Variants in TMEM132D observed in about 807,000 individuals in gnomAD.
TMEM132D encodes the protein mature OL transmembrane protein.
TMEM132D carries 21 observed loss-of-function variants against 62.3 expected under a neutral mutation model. The observed-to-expected ratio is 0.34, with a 90% CI of 0.24 to 0.49. TMEM132D has a LOEUF of 0.49. Ranked by LOEUF, TMEM132D falls within the 20% of genes least tolerant of loss-of-function variation. The probability of loss-of-function intolerance (pLI) is 0.99; values close to 1 mark genes in which losing one functional copy is unlikely to be tolerated. For missense variants in TMEM132D, 1,346 were observed against 1,402.8 expected, an observed-to-expected ratio of 0.96 and a Z score of 0.65; for synonymous variants, 621 against 575.6, an observed-to-expected ratio of 1.08 and a Z score of -1.13.
At chr12:129,362,111 T>C (rs191706747) in intron 3 of TMEM132D, among the ~76,000 whole-genome samples, 17 of 152,364 alleles carry the variant, frequency 1.1e-4, no homozygotes, top group African/African-American at 3.6e-4. Flanking sequence ...TTGTTTACGA[T>C]AAAATACCTT....
chr12:129,633,998 C>T (rs770888272), intron 2 of TMEM132D, among the ~76,000 whole-genome samples: 42 of 152,094 alleles, frequency 2.8e-4, no homozygotes, highest in Non-Finnish European at 4.9e-4. Context: ...CTCCGTGTTG[C>T]GGAGGAAGTC....
chr12:129,902,504 A>G (rs1270083720), intron 1 of TMEM132D, among the ~76,000 whole-genome samples: 1 of 152,228 alleles, frequency 6.6e-6, no homozygotes, highest in Admixed American at 6.5e-5. Context: ...TGCTCTTCCC[A>G]TGACAGACAG....
At position 129,734,372 on chromosome 12, in the gene TMEM132D, G is replaced by C. The variant is rs141095432; in HGVS notation, c.80-33674C>G. Reference sequence around the variant, plus strand: ...AACCAAAATCCTACTCTACTTTTAAGAATCAGGTCAAATGCCATCTCCTCA... The same window carrying C: ...AACCAAAATCCTACTCTACTTTTAACAATCAGGTCAAATGCCATCTCCTCA... On this transcript the variant is annotated intron_variant, in intron 1 of 8. Transcript: ENST00000422113. 3.7e-3 allele frequency among the ~76,000 whole-genome samples: 557 copies of C among 152,246 alleles called. 3 individuals are homozygous for C. The highest frequency in any genetic ancestry group is 6.5e-3 in the Non-Finnish European group (441 of 68,008).
intron 4 of TMEM132D, among the ~76,000 whole-genome samples, chr12:129,275,466 A>G (rs1880977887): frequency 6.6e-6 from 1 of 152,234 alleles, no homozygotes; most frequent in Admixed American, 6.5e-5. Flanking sequence ...ACTCTCTAGT[A>G]GAGACATATT....
At chr12:129,442,111 C>T (rs930435300) in intron 3 of TMEM132D, among the ~76,000 whole-genome samples, 1 of 152,192 alleles carries the variant, frequency 6.6e-6, no homozygotes, top group Non-Finnish European at 1.5e-5. Flanking sequence ...AACAAACCTA[C>T]ACATGTACCC....
intron 2 of TMEM132D, among the ~76,000 whole-genome samples, chr12:129,539,382 C>A (rs1468015839): frequency 6.6e-6 from 1 of 150,574 alleles, no homozygotes; most frequent in Non-Finnish European, 1.5e-5. Context: ...CAGGTGTGAG[C>A]CACCACATTT....
chr12:129,864,418 G>T (rs1273340995), intron 1 of TMEM132D, among the ~76,000 whole-genome samples: 1 of 152,172 alleles, frequency 6.6e-6, no homozygotes, highest in African/African-American at 2.4e-5. Context: ...TCAGAGTTTT[G>T]GGGTAGTCTG....
In TMEM132D at chr12:129,544,030, G is replaced by C. The variant is rs572648163; in HGVS notation, c.969-12825C>G. On this transcript the variant is annotated intron_variant, in intron 2 of 8. Coordinates refer to ENST00000422113, the MANE Select transcript of TMEM132D (RefSeq NM_133448.3). ...AAGGAATTGCCAAGTCAAAAGAGAT[G>C]CATGTGCTCAATTTGTATAGAACTT... is the stretch of plus-strand genomic sequence containing the variant. Among the ~76,000 whole-genome samples the C allele has an allele frequency of 5.9e-5, 9 of 152,320 alleles. No homozygotes were observed. In the South Asian group the frequency reaches 6.2e-4, roughly 11 times the overall value.
chr12:129,073,119 G>A lies in TMEM132D; in HGVS notation c.*756C>T, dbSNP rs2135600619. On this transcript the variant is annotated 3_prime_UTR_variant, in exon 9 of 9. Transcript: ENST00000422113. Reference sequence around the variant, plus strand: ...ACTTGATATGAATCAAAAGAGCGTGGTTCTTTGAACCTGATTCAAATTCTA... The same window carrying A: ...ACTTGATATGAATCAAAAGAGCGTGATTCTTTGAACCTGATTCAAATTCTA... The A allele has an allele frequency of 6.6e-6, 1 of 152,366 alleles. No individual in the cohort carries two copies. Among genetic ancestry groups the A allele is most frequent in the African/African-American group, 2.4e-5 (1 of 41,576 alleles). 9.4% of individuals were successfully genotyped at this position (152,366 alleles called of 1,614,324 possible).
intron 4 of TMEM132D, among the ~76,000 whole-genome samples, chr12:129,237,346 GA>G (rs924421508): frequency 5.3e-5 from 8 of 151,856 alleles, no homozygotes; most frequent in Non-Finnish European, 7.4e-5. Context: ...TTTAATGCCT[GA>G]AAAAAAATTG....
intron 1 of TMEM132D, among the ~76,000 whole-genome samples, chr12:129,721,760 C>T (rs1030629984): frequency 2.0e-5 from 3 of 152,172 alleles, no homozygotes; most frequent in Non-Finnish European, 2.9e-5. Flanking sequence ...CTGGGGGTAT[C>T]ACCCATGGGC....
intron 2 of TMEM132D, among the ~76,000 whole-genome samples, chr12:129,661,506 G>A (rs1423295904): frequency 6.6e-6 from 1 of 152,184 alleles, no homozygotes; most frequent in Non-Finnish European, 1.5e-5. Context: ...CATCAGAAAG[G>A]AAAGTGGACC....
At chr12:129,118,857 C>A (rs895832527) in intron 5 of TMEM132D, among the ~76,000 whole-genome samples, 1 of 152,170 alleles carries the variant, frequency 6.6e-6, no homozygotes, top group Non-Finnish European at 1.5e-5. Context: ...GAGGGAAGAA[C>A]TTCAAGGAAA....
At chr12:129,832,846 T>A (rs982156815) in intron 1 of TMEM132D, among the ~76,000 whole-genome samples, 24 of 152,204 alleles carry the variant, frequency 1.6e-4, no homozygotes, top group Non-Finnish European at 3.1e-4. Context: ...TAATCCCACT[T>A]TCACCTGTCA....
At position 129,245,554 on chromosome 12, in the gene TMEM132D, CT is replaced by C. The variant is rs71449399; in HGVS notation, c.1300-35892del. 3.6e-3 allele frequency among the ~76,000 whole-genome samples: 525 copies of C among 146,538 alleles called. 3 individuals carry two copies. Among genetic ancestry groups the C allele is most frequent in the African/African-American group, 7.4e-3 (297 of 40,128 alleles). ...CAATATTCTTTTTATTATATTAGAA[CT>C]TTTTTTTTTTTTGGAATAAAGATTG... On this transcript the variant is annotated intron_variant, in intron 4 of 8. Coordinates refer to ENST00000422113, the MANE Select transcript of TMEM132D (RefSeq NM_133448.3).
At position 129,725,104 on chromosome 12, in the gene TMEM132D, C is replaced by T. The variant is rs886888466; in HGVS notation, c.80-24406G>A. Reference sequence around the variant, plus strand: ...AGTGTGCCCAAGACAGTGGAGGCTTCATCAGCCTGGGTCCCTGAATGTTTC... The same window carrying T: ...AGTGTGCCCAAGACAGTGGAGGCTTTATCAGCCTGGGTCCCTGAATGTTTC... On this transcript the variant is annotated intron_variant, in intron 1 of 8. Coordinates refer to ENST00000422113, the MANE Select transcript of TMEM132D (RefSeq NM_133448.3). Among the ~76,000 whole-genome samples, 11 of 152,314 alleles carry T rather than the reference C, an allele frequency of 7.2e-5. No individual in the cohort carries two copies. The Middle Eastern group carries it at 0.01, about 141-fold the overall frequency.
intron 2 of TMEM132D, among the ~76,000 whole-genome samples, chr12:129,576,632 T>A (rs1038700485): frequency 6.0e-5 from 9 of 151,260 alleles, no homozygotes; most frequent in Middle Eastern, 3.4e-3. Flanking sequence ...ATATATGCAG[T>A]TGACTTGAAA....
At chr12:129,747,209 C>CCCG (rs1555229160) in intron 1 of TMEM132D, among the ~76,000 whole-genome samples, 568 of 28,682 alleles carry the variant, frequency 0.02, no homozygotes, top group South Asian at 0.051. Flanking sequence ...CCTTCTTACT[C>CCCG]CTCCTTCCAG....
intron 5 of TMEM132D, among the ~76,000 whole-genome samples, chr12:129,115,146 T>C (rs1247988615): frequency 6.6e-6 from 1 of 152,218 alleles, no homozygotes; most frequent in East Asian, 1.9e-4. Flanking sequence ...CATGAACTTA[T>C]CACATAACTA....
Sources: gnomAD v4.1 joint callset for allele counts (sites outside exome capture counted in the v4.1 genomes callset) on GRCh38, gnomAD v4.1.1 for gene constraint, MANE v1.5 for transcripts, NCBI Gene and HGNC (gene_info 2026-07-23, HGNC 2026-07-21) for gene names.